The following DCX variants were observed in gnomAD, a reference collection of about 807,000 sequenced individuals.
The protein encoded by DCX is doublecortin.
DCX carries 4 observed loss-of-function variants against 20.9 expected under a neutral mutation model. The observed-to-expected ratio is 0.19, with a 90% confidence interval of 0.09 to 0.44. DCX has a LOEUF of 0.44. Ranked by LOEUF, DCX falls within the 20% of genes least tolerant of loss-of-function variation. The pLI is 0.99. For missense variants in DCX, 133 were observed against 296.9 expected, an observed-to-expected ratio of 0.45 and a Z score of 4.06; for synonymous variants, 103 against 111.4, an observed-to-expected ratio of 0.92 and a Z score of 0.47.
At chrX:111,353,515 G>T (rs1923489708) in intron 3 of DCX, among the ~76,000 whole-genome samples, 1 of 111,426 alleles carries the variant, frequency 9.0e-6, no homozygotes, top group Admixed American at 9.5e-5. Context: ...TTGGCAAAAA[G>T]AAAAAAAGAT....
At chrX:111,407,153 CAA>C (rs1480003682) in intron 2 of DCX, among the ~76,000 whole-genome samples, 2 of 111,726 alleles carry the variant, frequency 1.8e-5, no homozygotes, top group Non-Finnish European at 3.8e-5. Context: ...ATTTAATCCT[CAA>C]AGCCATTATT....
intron 3 of DCX, among the ~76,000 whole-genome samples, chrX:111,346,953 A>G (rs1251905311): frequency 1.8e-5 from 2 of 111,705 alleles, no homozygotes; most frequent in Non-Finnish European, 3.8e-5. Context: ...AACAGAAGTC[A>G]AAGTTCACCT....
chrX:111,338,792 T>C (rs5943141), intron 3 of DCX, among the ~76,000 whole-genome samples: 1 of 109,945 alleles, frequency 9.1e-6, no homozygotes, highest in Non-Finnish European at 1.9e-5. Flanking sequence ...ATTTGTATGG[T>C]ATTTTTACTG....
intron 3 of DCX, among the ~76,000 whole-genome samples, chrX:111,398,690 G>A (rs776751618): frequency 1.1e-4 from 12 of 112,202 alleles, no homozygotes; most frequent in Non-Finnish European, 1.9e-4. Flanking sequence ...ATGCATCACT[G>A]GACTGGAGCT....
intron 3 of DCX, among the ~76,000 whole-genome samples, chrX:111,386,605 G>A (rs755820755): frequency 9.0e-6 from 1 of 111,114 alleles, no homozygotes. Flanking sequence ...TCAGGGTGGG[G>A]TGGCTGTTGC....
intron 3 of DCX, among the ~76,000 whole-genome samples, chrX:111,365,395 G>T (rs1351283792): frequency 9.1e-6 from 1 of 110,139 alleles, no homozygotes; most frequent in Non-Finnish European, 1.9e-5. Context: ...TGGGGTACAT[G>T]AGATGCTCTG....
intron 3 of DCX, among the ~76,000 whole-genome samples, chrX:111,380,214 G>T (rs1436192550): frequency 9.0e-6 from 1 of 110,975 alleles, no homozygotes; most frequent in Non-Finnish European, 1.9e-5. Flanking sequence ...TTTTTTCTTT[G>T]GTTGCTTGTG....
intron 3 of DCX, among the ~76,000 whole-genome samples, chrX:111,363,676 A>G (rs992658226): frequency 9.0e-6 from 1 of 110,875 alleles, no homozygotes; most frequent in African/African-American, 3.3e-5. Flanking sequence ...CTTTCCATCT[A>G]GTTTTATTCT....
chrX:111,326,126 A>G (rs73545271), intron 5 of DCX, among the ~76,000 whole-genome samples: 191 of 111,835 alleles, frequency 1.7e-3, no homozygotes, highest in African/African-American at 5.8e-3. Context: ...AACGGAAAAG[A>G]TCGGACTTTC....
intron 5 of DCX, among the ~76,000 whole-genome samples, chrX:111,320,891 G>A (rs1253061706): frequency 9.1e-6 from 1 of 109,502 alleles, no homozygotes; most frequent in African/African-American, 3.3e-5. Context: ...GCTAGGGGTA[G>A]CAAACACAAG....
At chrX:111,302,165 G>A (rs1018832984) in intron 6 of DCX, among the ~76,000 whole-genome samples, 1 of 111,728 alleles carries the variant, frequency 9.0e-6, no homozygotes, top group African/African-American at 3.3e-5. Context: ...TCCTGTCTCT[G>A]TAATTTTGGA....
chrX:111,304,411 G>T (rs2147576604), intron 6 of DCX, among the ~76,000 whole-genome samples: 1 of 112,105 alleles, frequency 8.9e-6, no homozygotes, highest in Admixed American at 9.4e-5. Flanking sequence ...GATTTTTGGT[G>T]TTTCAACTTG....
At chrX:111,364,920 T>A (rs1443816232) in intron 3 of DCX, among the ~76,000 whole-genome samples, 1 of 109,537 alleles carries the variant, frequency 9.1e-6, no homozygotes, top group African/African-American at 3.3e-5. Flanking sequence ...GGTCTCACTC[T>A]GTTGCCCAGG....
intron 3 of DCX, among the ~76,000 whole-genome samples, chrX:111,372,595 T>C (rs1279852885): frequency 9.0e-6 from 1 of 111,516 alleles, no homozygotes. Context: ...ATTGGGCCAC[T>C]CAGTCTAATA....
chrX:111,384,210 G>A (rs1035291821), intron 3 of DCX, among the ~76,000 whole-genome samples: 3 of 110,887 alleles, frequency 2.7e-5, no homozygotes, highest in South Asian at 3.8e-4. Flanking sequence ...TTGGACTATT[G>A]CCTTCCTCTG....
At chrX:111,340,908 G>C (rs1011982983) in intron 3 of DCX, among the ~76,000 whole-genome samples, 6 of 111,365 alleles carry the variant, frequency 5.4e-5, no homozygotes, top group Admixed American at 9.5e-5. Flanking sequence ...ATCGAAACTA[G>C]ACAAACTCAT....
intron 3 of DCX, among the ~76,000 whole-genome samples, chrX:111,370,509 C>A (rs1357402108): frequency 9.0e-6 from 1 of 111,628 alleles, no homozygotes; most frequent in Non-Finnish European, 1.9e-5. Context: ...GATATCTCAA[C>A]CTTGGCACTA....
At position 111,355,976 on chromosome X, in the gene DCX, G is replaced by T. The variant is rs769890681; in HGVS notation, c.706-22823C>A. On this transcript the variant is annotated intron_variant, in intron 3 of 6. Coordinates refer to ENST00000636035, the MANE Select transcript of DCX (RefSeq NM_001195553.2). ...GAAAGAGGCCATTTTCTCCAAATGA[G>T]TCACCACCACCTGGAAAGTTCTTGG... Among the ~76,000 whole-genome samples, 23 of 112,021 alleles carry T rather than the reference G, an allele frequency of 2.1e-4. No individual in the cohort carries two copies. The South Asian group carries it at 4.5e-3, about 22-fold the overall frequency.
rs1927787836 is a variant in DCX, at chrX:111,401,475, G to T, written c.365-145C>A. Reference sequence around the variant, plus strand: ...AACCTTAGGTGCAATTCCTAATTGGGCTAAAAACTTGGCTCATCCAAATTC... The same window carrying T: ...AACCTTAGGTGCAATTCCTAATTGGTCTAAAAACTTGGCTCATCCAAATTC... On this transcript the variant is annotated intron_variant, in intron 2 of 6. Transcript: ENST00000636035. The T allele has an allele frequency of 2.1e-5, 11 of 521,478 alleles. No homozygotes were observed. The Admixed American group carries it at 3.1e-4, about 15-fold the overall frequency. The allele number at this position is 521,478 out of a possible 1,213,427, so 43.0% of individuals were successfully genotyped here.
Sources: gnomAD v4.1 joint callset for allele counts (sites outside exome capture counted in the v4.1 genomes callset) on GRCh38, gnomAD v4.1.1 for gene constraint, MANE v1.5 for transcripts, NCBI Gene and HGNC (gene_info 2026-07-23, HGNC 2026-07-21) for gene names.